Variants in ZNF607 observed in about 807,000 individuals in gnomAD.
ZNF607 encodes zinc finger protein 607.
In ZNF607, 5 loss-of-function variants were observed where a neutral mutation model predicts 12.8. That is an observed-to-expected ratio of 0.39 (90% CI 0.20 to 0.82). The LOEUF (loss-of-function observed/expected upper bound fraction) is 0.82, where lower values mean the gene tolerates loss of function less well. ZNF607 is among the 40% of genes least tolerant of loss of function. ZNF607 has a pLI of 0.39. For synonymous variants in ZNF607, 287 were observed against 276.2 expected (o/e 1.04, Z -0.39); for missense variants, 851 against 859.2 (o/e 0.99, Z 0.12).
At position 37,696,431 on chromosome 19, in the gene ZNF607, T is replaced by C. The variant is rs1178787809; in HGVS notation, c.*1609A>G. ...GTATATTTCATGTAGTTTCCCATAA[T>C]TTTTTCATGTACTAACTCATGTAAT... is the stretch of plus-strand genomic sequence containing the variant. On this transcript the variant is annotated 3_prime_UTR_variant, in exon 5 of 5. Transcript: ENST00000355202. 2 of 252,566 alleles carry C rather than the reference T, an allele frequency of 7.9e-6. No individual in the cohort carries two copies. Among genetic ancestry groups the C allele is most frequent in the South Asian group, 1.2e-4 (2 of 16,996 alleles). The allele number at this position is 252,566 out of a possible 1,614,324, so 15.6% of individuals were successfully genotyped here. A position where few individuals can be genotyped will look rare whatever the true frequency, so the allele number is the denominator to read the frequency against.
Position 37,698,354 on chromosome 19 carries a change from C to T in ZNF607, c.1777G>A (p.Glu593Lys). The T allele has an allele frequency of 6.2e-7, 1 of 1,614,114 alleles. No homozygotes were observed. Among genetic ancestry groups the T allele is most frequent in the Non-Finnish European group, 8.5e-7 (1 of 1,180,000 alleles). The change falls in exon 5 of 5, where the codon GAA becomes AAA. Residue 593 changes from glutamate to lysine, a missense_variant. Coordinates refer to ENST00000355202, the MANE Select transcript of ZNF607 (RefSeq NM_032689.5). ...HAGEKSYECK[E>K]CGETFSHASH... ...GCATGACTAAAAGTTTCCCCACATT[C>T]TTTACATTCATAGGACTTTTCACCA...
At chr19:37,712,595 A>T (rs555594162) in intron 1 of ZNF607, among the ~76,000 whole-genome samples, 5 of 152,372 alleles carry the variant, frequency 3.3e-5, no homozygotes, top group African/African-American at 1.2e-4. Flanking sequence ...ACAACTAAAT[A>T]AAACTAAAGG....
intron 1 of ZNF607, among the ~76,000 whole-genome samples, chr19:37,715,489 C>A (rs1361969206): frequency 6.6e-6 from 1 of 151,458 alleles, no homozygotes; most frequent in African/African-American, 2.4e-5. Context: ...GCCTGTAATC[C>A]CAGCTACTCA....
At position 37,699,835 on chromosome 19, in the gene ZNF607, G is replaced by A. The variant is rs1355991679; in HGVS notation, c.296C>T (p.Ser99Leu). 6.2e-7 allele frequency: 1 copy of A among 1,612,498 alleles called. No individual in the cohort carries two copies. The highest frequency in any genetic ancestry group is 2.2e-5 in the East Asian group (1 of 44,860). The change falls in exon 5 of 5, where the codon TCA becomes TTA. Residue 99 changes from serine (S) to leucine (L), a missense_variant. Transcript: ENST00000355202. The stretch of plus-strand genomic sequence containing the variant: ...AATTCTCTGATGGAGAGTAACACAT[G>A]AGTGTTTCCTATAAAGCTGCATTTT... ...DGKMQLYRKH[S>L]CVTLHQRIHN...
At chr19:37,703,188 A>C (rs2045053487) in intron 4 of ZNF607, among the ~76,000 whole-genome samples, 1 of 151,702 alleles carries the variant, frequency 6.6e-6, no homozygotes, top group Non-Finnish European at 1.5e-5. Flanking sequence ...ACCTCAGGTG[A>C]TCCGCCCGCC....
chr19:37,704,893 G>C (rs1208861469), intron 4 of ZNF607, among the ~76,000 whole-genome samples: 1 of 152,146 alleles, frequency 6.6e-6, no homozygotes, highest in Non-Finnish European at 1.5e-5. Flanking sequence ...GGAGCTTGCA[G>C]TGAGCCGAGA....
chr19:37,702,487 G>A (rs1052617966), intron 4 of ZNF607, among the ~76,000 whole-genome samples: 4 of 152,058 alleles, frequency 2.6e-5, no homozygotes, highest in Admixed American at 1.3e-4. Context: ...TTAATGCCAA[G>A]TAAGATATGT....
Position 37,699,803 on chromosome 19 carries a change from C to T in ZNF607, c.328G>A (p.Gly110Arg). ...CVTLHQRIHN[G>R]QKPYECKQCQ... is the part of the protein sequence containing the mutation. ...TGCTTACACTCATATGGTTTCTGTCCATTATGAATTCTCTGATGGAGAGTA... is the reference window on the plus strand; with the variant it reads ...TGCTTACACTCATATGGTTTCTGTCTATTATGAATTCTCTGATGGAGAGTA... The change falls in exon 5 of 5, where the codon GGA becomes AGA. Residue 110 changes from glycine to arginine, a missense_variant. Coordinates refer to ENST00000355202, the MANE Select transcript of ZNF607 (RefSeq NM_032689.5). 6.2e-7 allele frequency: 1 copy of T among 1,613,922 alleles called. No homozygotes were observed. The highest frequency in any genetic ancestry group is 8.5e-7 in the Non-Finnish European group (1 of 1,179,958).
chr19:37,697,358 G>C lies in ZNF607; in HGVS notation c.*682C>G. 7.3e-6 allele frequency: 11 copies of C among 1,516,956 alleles called. No homozygotes were observed. The highest frequency in any genetic ancestry group is 9.9e-6 in the Non-Finnish European group (11 of 1,106,292). 94.0% of individuals were successfully genotyped at this position (1,516,956 alleles called of 1,614,324 possible). A position where few individuals can be genotyped will look rare whatever the true frequency, so the allele number is the denominator to read the frequency against. The stretch of plus-strand genomic sequence containing the variant: ...TCACCATGCCTCCTGCAACAGCTAA[G>C]GCCAGGCCAAACTTGCCGATGGACT... On this transcript the variant is annotated 3_prime_UTR_variant, in exon 5 of 5. Coordinates refer to ENST00000355202, the MANE Select transcript of ZNF607 (RefSeq NM_032689.5).
Position 37,698,883 on chromosome 19 carries a change from G to C in ZNF607, c.1248C>G (p.Thr416=). 1 of 1,613,518 alleles carries C rather than the reference G, an allele frequency of 6.2e-7. No individual in the cohort carries two copies. The highest frequency in any genetic ancestry group is 8.5e-7 in the Non-Finnish European group (1 of 1,179,856). Residue 416 remains threonine (T), a synonymous_variant, in exon 5 of 5, where the codon ACC becomes ACG. Coordinates refer to ENST00000355202, the MANE Select transcript of ZNF607 (RefSeq NM_032689.5). ...CCTTACATTTGTAGGGTTTCTCACC[G>C]GTATGAATATTTTGATGTATTTTAA... ...SSLKIHQNIH[T]GEKPYKCKEC...
intron 4 of ZNF607, among the ~76,000 whole-genome samples, chr19:37,704,059 C>T (rs1599663329): frequency 6.6e-6 from 1 of 151,550 alleles, no homozygotes; most frequent in Non-Finnish European, 1.5e-5. Context: ...ACTTGAACCC[C>T]GGAGGCGGAG....
chr19:37,711,599 T>C lies in ZNF607; in HGVS notation c.9+11A>G, dbSNP rs1430941185. 1 of 1,613,832 alleles carries C rather than the reference T, an allele frequency of 6.2e-7. No homozygotes were observed. ...ACACAAACCTCCACATGGCGAGAAATATCAACTTACATAGGACATGGTTTG... is the reference window on the plus strand; with the variant it reads ...ACACAAACCTCCACATGGCGAGAAACATCAACTTACATAGGACATGGTTTG... On this transcript the variant is annotated intron_variant, in intron 2 of 4. Coordinates refer to ENST00000355202, the MANE Select transcript of ZNF607 (RefSeq NM_032689.5).
intron 1 of ZNF607, among the ~76,000 whole-genome samples, chr19:37,712,921 C>T (rs2045144610): frequency 6.6e-6 from 1 of 152,158 alleles, no homozygotes; most frequent in South Asian, 2.1e-4. Context: ...TCTCCAACAA[C>T]ATGGGGAACT....
chr19:37,709,878 C>T (rs890857953), intron 2 of ZNF607, 56 bp from the exon 3 acceptor site: 26 of 1,589,524 alleles, frequency 1.6e-5, no homozygotes, highest in Middle Eastern at 3.4e-4. Flanking sequence ...GTGGAGGGGC[C>T]GGGCACTGTG....
intron 4 of ZNF607, among the ~76,000 whole-genome samples, chr19:37,703,109 T>C (rs1035038967): frequency 4.6e-5 from 7 of 151,898 alleles, no homozygotes; most frequent in Admixed American, 4.6e-4. Context: ...TGCATCACCA[T>C]GCCTGGCTAA....
rs538004539 is a variant in ZNF607, at chr19:37,707,065, A to T, written c.235+849T>A. 2.0e-5 allele frequency among the ~76,000 whole-genome samples: 3 copies of T among 152,252 alleles called. No individual in the cohort carries two copies. In the South Asian group the frequency reaches 6.2e-4, roughly 32 times the overall value. ...GGTCTTGACCTCCTGTCTTCAAGTG[A>T]TCTGCCCGCCTCGGCCTACCAAAGT... On this transcript the variant is annotated intron_variant, in intron 4 of 4. Transcript: ENST00000355202.
intron 3 of ZNF607, 32 bp downstream of exon 3, chr19:37,709,654 GATTCTAAATT>G: frequency 6.3e-7 from 1 of 1,586,234 alleles, no homozygotes; most frequent in Middle Eastern, 1.7e-4. Flanking sequence ...CGAAACAGAT[GATTCTAAATT>G]ATTCTAAATC....
At chr19:37,718,277 G>A (rs1293579485) in intron 1 of ZNF607, among the ~76,000 whole-genome samples, 4 of 152,022 alleles carry the variant, frequency 2.6e-5, no homozygotes, top group Non-Finnish European at 5.9e-5. Flanking sequence ...TTCACATCAC[G>A]GCTAAGTTCA....
intron 1 of ZNF607, among the ~76,000 whole-genome samples, chr19:37,716,051 C>T (rs1201429627): frequency 6.6e-6 from 1 of 152,148 alleles, no homozygotes; most frequent in Non-Finnish European, 1.5e-5. Flanking sequence ...TCCCTGGTAG[C>T]TCCCTCTCCT....
Sources: allele counts gnomAD v4.1 joint callset (sites outside exome capture counted in the v4.1 genomes callset), GRCh38; gene constraint gnomAD v4.1.1; transcripts MANE v1.5; gene names NCBI Gene and HGNC (gene_info 2026-07-23, HGNC 2026-07-21).